Variants in FAM184B observed in about 807,000 individuals in gnomAD.
FAM184B encodes family with sequence similarity 184 member B, also known as protein FAM184B.
Under a neutral mutation model 135.9 loss-of-function variants are expected in FAM184B, and 111 were observed. That is an observed-to-expected ratio of 0.82 (90% CI 0.70 to 0.96). The LOEUF (loss-of-function observed/expected upper bound fraction) is 0.96, where lower values mean the gene tolerates loss of function less well. FAM184B is among the 40% of genes least tolerant of loss of function. FAM184B has a pLI of 0.00. For synonymous variants in FAM184B, 552 were observed against 524.8 expected (o/e 1.05, Z -0.71); for missense variants, 1,375 against 1,323.9 (o/e 1.04, Z -0.60).
intron 15 of FAM184B, among the ~76,000 whole-genome samples, chr4:17,636,277 T>C (rs1311792153): frequency 6.6e-6 from 1 of 152,132 alleles, no homozygotes; most frequent in East Asian, 1.9e-4. Context: ...AGCTAATTTT[T>C]GTATTTTTAG....
In FAM184B at chr4:17,700,686, T is replaced by C. The variant is rs1434659115; in HGVS notation, c.1377+4314A>G. ...GAACACTCCACCCAACAGCAGCAGA[T>C]TCAGATTCTTTTCAAGTACACATGA... On this transcript the variant is annotated intron_variant, in intron 5 of 17. Coordinates refer to ENST00000265018, the MANE Select transcript of FAM184B (RefSeq NM_015688.2). 3.3e-5 allele frequency among the ~76,000 whole-genome samples: 5 copies of C among 152,164 alleles called. No homozygotes were observed. In the South Asian group the frequency reaches 6.2e-4, roughly 19 times the overall value.
chr4:17,697,229 G>A (rs1364220167), intron 5 of FAM184B, among the ~76,000 whole-genome samples: 1 of 152,148 alleles, frequency 6.6e-6, no homozygotes, highest in Non-Finnish European at 1.5e-5. Flanking sequence ...CTGAATGTGA[G>A]GGGTGAGAAA....
intron 12 of FAM184B, 93 bp downstream of exon 12, chr4:17,647,544 C>T (rs1715502596): frequency 7.0e-7 from 1 of 1,422,892 alleles, no homozygotes; most frequent in Non-Finnish European, 9.4e-7. Context: ...CCACTGCACT[C>T]AGCCTCAGAG....
intron 7 of FAM184B, among the ~76,000 whole-genome samples, chr4:17,684,110 T>G (rs913598027): frequency 2.4e-5 from 1 of 41,074 alleles, no homozygotes; most frequent in African/African-American, 4.4e-5. Context: ...TATTATAGTA[T>G]AAAATAATTA....
In FAM184B at chr4:17,632,043, ATTT is replaced by A. The variant is rs199549580; in HGVS notation, c.*486_*488del. On this transcript the variant is annotated 3_prime_UTR_variant, in exon 18 of 18. Transcript: ENST00000265018. ...TTTTAATAACACTGGTTTAATGTCA[ATTT>A]TTTTTTTTTTTTTTTTTTTTTTTTT... 128 of 117,278 alleles carry A rather than the reference ATTT, an allele frequency of 1.1e-3. No individual in the cohort carries two copies. Among genetic ancestry groups the A allele is most frequent in the Non-Finnish European group, 1.6e-3 (92 of 56,338 alleles). The allele number at this position is 117,278 out of a possible 1,614,324, so 7.3% of individuals were successfully genotyped here.
Position 17,709,623 on chromosome 4 carries a change from G to T in FAM184B, c.163C>A (p.Arg55Ser), listed in dbSNP as rs1226238277. Residue 55 changes from arginine to serine, a missense_variant, in exon 2 of 18, where the codon CGC (arginine) becomes AGC (serine). By Grantham distance (110) the Arg-to-Ser change is moderately radical (BLOSUM62 -1). Coordinates refer to ENST00000265018, the MANE Select transcript of FAM184B (RefSeq NM_015688.2). Reference sequence around the variant, plus strand: ...ATGCTGGCCTCAGCCTCATCCTGGCGGGTGTTCAGGGCATAAATCACCTGC... The same window carrying T: ...ATGCTGGCCTCAGCCTCATCCTGGCTGGTGTTCAGGGCATAAATCACCTGC... Reference protein sequence around the residue: ...LTKVIYALNTRQDEAEASMEA... With the variant: ...LTKVIYALNTSQDEAEASMEA... 2 of 1,517,750 alleles carry T rather than the reference G, an allele frequency of 1.3e-6. No individual in the cohort carries two copies. Among genetic ancestry groups the T allele is most frequent in the Non-Finnish European group, 1.8e-6 (2 of 1,134,040 alleles). 94.0% of individuals were successfully genotyped at this position (1,517,750 alleles called of 1,614,324 possible).
intron 5 of FAM184B, among the ~76,000 whole-genome samples, chr4:17,694,099 G>A (rs7666888): frequency 0.61 from 93,012 of 152,048 alleles, 29,005 homozygotes; most frequent in East Asian, 0.92. Context: ...GTGCAGTTAC[G>A]TTCCAGCTGT....
chr4:17,758,225 C>T (rs1718464187), intron 1 of FAM184B, among the ~76,000 whole-genome samples: 1 of 152,170 alleles, frequency 6.6e-6, no homozygotes, highest in Non-Finnish European at 1.5e-5. Flanking sequence ...TTTGTCAGTA[C>T]TAATTTCATT....
chr4:17,754,101 G>A (rs576422175), intron 1 of FAM184B, among the ~76,000 whole-genome samples: 6 of 152,240 alleles, frequency 3.9e-5, no homozygotes, highest in South Asian at 2.1e-4. Context: ...GCAGATTATC[G>A]TCTAAAATGG....
rs1207048064 is a variant in FAM184B at position 17,645,125 on chromosome 4, A to C, written c.2346+2512T>G. On this transcript the variant is annotated intron_variant, in intron 12 of 17. Coordinates refer to ENST00000265018, the MANE Select transcript of FAM184B (RefSeq NM_015688.2). ...GAACATTCCATGCTCATGGATAGGA[A>C]GAATCAATATTGTGAAAATGGCTAT... is the stretch of plus-strand genomic sequence containing the variant. Among the ~76,000 whole-genome samples the C allele has an allele frequency of 2.0e-5, 3 of 152,238 alleles. No individual in the cohort carries two copies. The East Asian group carries it at 5.8e-4, about 29-fold the overall frequency.
chr4:17,641,040 C>A (rs141102174), intron 13 of FAM184B, among the ~76,000 whole-genome samples: 2,157 of 152,116 alleles, frequency 0.014, 21 homozygotes, highest in Middle Eastern at 0.024. Flanking sequence ...CTCAAGCAAT[C>A]CCCCCTCACC....
intron 6 of FAM184B, among the ~76,000 whole-genome samples, chr4:17,692,116 A>C (rs1716750525): frequency 1.3e-5 from 2 of 152,002 alleles, no homozygotes; most frequent in South Asian, 4.2e-4. Context: ...TAAGCTCTGC[A>C]GTGAGGAGTG....
chr4:17,751,868 A>ACAC (rs1382691924), intron 1 of FAM184B, among the ~76,000 whole-genome samples: 26 of 57,056 alleles, frequency 4.6e-4, no homozygotes, highest in African/African-American at 7.4e-4. Flanking sequence ...CACACACACA[A>ACAC]AAGAACCAGG....
intron 1 of FAM184B, among the ~76,000 whole-genome samples, chr4:17,748,350 C>T (rs1718221347): frequency 6.6e-6 from 1 of 151,780 alleles, no homozygotes; most frequent in South Asian, 2.1e-4. Flanking sequence ...CCCAAAGATC[C>T]AGGAATCAGT....
In FAM184B at chr4:17,658,672, T is replaced by A. The variant is rs1715838919; in HGVS notation, c.1825-110A>T. On this transcript the variant is annotated intron_variant, in intron 9 of 17. Coordinates refer to ENST00000265018, the MANE Select transcript of FAM184B (RefSeq NM_015688.2). ...CCTCCATGCAGCTGAGCCTCCTCTG[T>A]CTGTAGAGACTCTGAAGGGATGGAA... The A allele has an allele frequency of 4.7e-6, 5 of 1,066,132 alleles. No individual in the cohort carries two copies. In the Admixed American group the frequency reaches 1.1e-4, roughly 24 times the overall value. The allele number at this position is 1,066,132 out of a possible 1,614,324, so 66.0% of individuals were successfully genotyped here.
At chr4:17,645,983 C>G (rs1715457723) in intron 12 of FAM184B, among the ~76,000 whole-genome samples, 1 of 152,172 alleles carries the variant, frequency 6.6e-6, no homozygotes, top group Non-Finnish European at 1.5e-5. Context: ...AAAAAATGCT[C>G]ATCATCACTG....
intron 12 of FAM184B, among the ~76,000 whole-genome samples, chr4:17,645,483 C>T (rs1049124447): frequency 3.0e-4 from 45 of 152,064 alleles, no homozygotes; most frequent in African/African-American, 8.7e-4. Flanking sequence ...GGGAAAGGAT[C>T]CCCTATTTAA....
intron 7 of FAM184B, among the ~76,000 whole-genome samples, chr4:17,678,797 A>C (rs553081368): frequency 3.3e-5 from 5 of 152,372 alleles, no homozygotes; most frequent in African/African-American, 1.2e-4. Flanking sequence ...GGCCATAGTC[A>C]CTAAAACAGC....
At chr4:17,775,460 C>T (rs561313275) in intron 1 of FAM184B, among the ~76,000 whole-genome samples, 96 of 152,222 alleles carry the variant, frequency 6.3e-4, no homozygotes, top group Non-Finnish European at 1.1e-3. Context: ...GCTGGGATTA[C>T]AGGCATGAGC....
Sources: allele counts gnomAD v4.1 joint callset (sites outside exome capture counted in the v4.1 genomes callset), GRCh38; gene constraint gnomAD v4.1.1; transcripts MANE v1.5; gene names NCBI Gene and HGNC (gene_info 2026-07-23, HGNC 2026-07-21).